Variants in MNAT1 observed in about 807,000 individuals in gnomAD.
MNAT1 encodes the protein MNAT1 component of CDK activating kinase, also known as CDK-activating kinase assembly factor MAT1.
In MNAT1, 43 loss-of-function variants were observed where a neutral mutation model predicts 42.0. The ratio of observed to expected loss-of-function variants is 1.02; its 90% CI spans 0.80 to 1.32. The LOEUF (loss-of-function observed/expected upper bound fraction) is 1.32. MNAT1 is among the 40% of genes most tolerant of loss of function. The pLI is 0.00. For missense variants in MNAT1, 306 were observed against 350.4 expected (o/e 0.87, Z 1.01); for synonymous variants, 118 against 120.0 (o/e 0.98, Z 0.11).
At chr14:60,903,865 G>GTT (rs35825181) in intron 7 of MNAT1, among the ~76,000 whole-genome samples, 1,687 of 115,722 alleles carry the variant, frequency 0.015, 56 homozygotes, top group African/African-American at 0.026. Flanking sequence ...ACCCATGTAA[G>GTT]TTTTTTTTTT....
intron 7 of MNAT1, among the ~76,000 whole-genome samples, chr14:60,963,955 G>C (rs2036639942): frequency 6.6e-6 from 1 of 152,138 alleles, no homozygotes; most frequent in South Asian, 2.1e-4. Context: ...GACAAGCCCT[G>C]CCCTCTGCCC....
chr14:60,817,648 A>T (rs997065981), intron 5 of MNAT1, among the ~76,000 whole-genome samples: 4 of 152,036 alleles, frequency 2.6e-5, no homozygotes, highest in African/African-American at 9.6e-5. Context: ...TGCCTAAAAA[A>T]TTATTAAGTT....
intron 1 of MNAT1, among the ~76,000 whole-genome samples, chr14:60,794,117 T>G (rs960643597): frequency 6.6e-6 from 1 of 152,230 alleles, no homozygotes; most frequent in Non-Finnish European, 1.5e-5. Flanking sequence ...ATTAATGTTA[T>G]TTGTGGCTCT....
intron 1 of MNAT1, among the ~76,000 whole-genome samples, chr14:60,737,836 T>C (rs1594709814): frequency 1.3e-5 from 2 of 151,194 alleles, no homozygotes; most frequent in South Asian, 4.2e-4. Flanking sequence ...TTGGACAACA[T>C]AGGGAAACCC....
chr14:60,825,935 G>A (rs1227301193), intron 6 of MNAT1, among the ~76,000 whole-genome samples: 3 of 152,106 alleles, frequency 2.0e-5, no homozygotes, highest in African/African-American at 4.8e-5. Context: ...AACCAAGGAA[G>A]GATGTATAAA....
At chr14:60,828,500 C>T (rs1423472055) in intron 6 of MNAT1, among the ~76,000 whole-genome samples, 2 of 151,554 alleles carry the variant, frequency 1.3e-5, no homozygotes, top group Non-Finnish European at 2.9e-5. Context: ...CTGCACATAT[C>T]CAGCACAGAA....
chr14:60,834,329 G>T (rs1183975205), intron 6 of MNAT1, among the ~76,000 whole-genome samples: 1 of 152,024 alleles, frequency 6.6e-6, no homozygotes, highest in African/African-American at 2.4e-5. Context: ...CATTGCTTTA[G>T]CTGTGTCCCA....
chr14:60,940,870 G>A (rs1413991191), intron 7 of MNAT1, among the ~76,000 whole-genome samples: 3 of 151,954 alleles, frequency 2.0e-5, no homozygotes, highest in African/African-American at 7.3e-5. Flanking sequence ...GTCAAAATTA[G>A]AATAGCCTGA....
intron 6 of MNAT1, among the ~76,000 whole-genome samples, chr14:60,841,831 C>T (rs533144256): frequency 4.7e-4 from 71 of 152,246 alleles, no homozygotes; most frequent in Non-Finnish European, 8.8e-4. Flanking sequence ...TTTAGCTCCA[C>T]TTTCATGGTG....
intron 1 of MNAT1, among the ~76,000 whole-genome samples, chr14:60,784,483 A>G (rs1032372927): frequency 6.6e-6 from 1 of 151,234 alleles, no homozygotes; most frequent in African/African-American, 2.4e-5. Context: ...AAGGCTGAAA[A>G]TATTTTTTCC....
chr14:60,941,085 T>C (rs2036148362), intron 7 of MNAT1, among the ~76,000 whole-genome samples: 1 of 152,224 alleles, frequency 6.6e-6, no homozygotes. Flanking sequence ...TCTCATAGTA[T>C]ATAGAAGTTT....
At chr14:60,746,953 C>T (rs1198195551) in intron 1 of MNAT1, among the ~76,000 whole-genome samples, 942 of 39,632 alleles carry the variant, frequency 0.024, 89 homozygotes, top group African/African-American at 0.03. Flanking sequence ...CACACACACA[C>T]ACACACACAC....
chr14:60,849,277 C>G (rs2033760673), intron 6 of MNAT1, among the ~76,000 whole-genome samples: 1 of 152,080 alleles, frequency 6.6e-6, no homozygotes, highest in South Asian at 2.1e-4. Flanking sequence ...ATTTCTGGGG[C>G]TTACTTTTCC....
At chr14:60,884,498 C>G (rs2034619131) in intron 7 of MNAT1, among the ~76,000 whole-genome samples, 1 of 151,930 alleles carries the variant, frequency 6.6e-6, no homozygotes, top group Non-Finnish European at 1.5e-5. Context: ...CAAACACTAT[C>G]TTATAACCCA....
intron 1 of MNAT1, among the ~76,000 whole-genome samples, chr14:60,739,312 CAA>C (rs1896397845): frequency 6.6e-6 from 1 of 151,916 alleles, no homozygotes; most frequent in African/African-American, 2.4e-5. Flanking sequence ...AGAGTACACA[CAA>C]GAGTGTGAAT....
At chr14:60,959,147 G>A (rs1287101189) in intron 7 of MNAT1, among the ~76,000 whole-genome samples, 1 of 152,178 alleles carries the variant, frequency 6.6e-6, no homozygotes, top group Non-Finnish European at 1.5e-5. Context: ...GGGGTCTGTT[G>A]TAGCTATGCT....
At chr14:60,879,225 G>T in intron 6 of MNAT1, among the ~76,000 whole-genome samples, 1 of 151,974 alleles carries the variant, frequency 6.6e-6, no homozygotes, top group East Asian at 1.9e-4. Flanking sequence ...ATAGATGTTT[G>T]TTCTTTTTTC....
At chr14:60,831,103 CT>C (rs35645256) in intron 6 of MNAT1, among the ~76,000 whole-genome samples, 129,344 of 138,780 alleles carry the variant, frequency 0.93, 60,500 homozygotes, top group Non-Finnish European at 0.98. Context: ...TCTTTTGTTC[CT>C]TTTTTTTTTT....
intron 7 of MNAT1, among the ~76,000 whole-genome samples, chr14:60,934,053 A>G (rs2035941502): frequency 6.6e-6 from 1 of 152,190 alleles, no homozygotes; most frequent in South Asian, 2.1e-4. Context: ...ATTAGCCAAA[A>G]GGTAGAGATG....
Sources: gnomAD v4.1 joint callset for allele counts (sites outside exome capture counted in the v4.1 genomes callset) on GRCh38, gnomAD v4.1.1 for gene constraint, MANE v1.5 for transcripts, NCBI Gene and HGNC (gene_info 2026-07-23, HGNC 2026-07-21) for gene names.